PLEKHG4B: variants seen among roughly 807,000 people sequenced by gnomAD.
PLEKHG4B encodes the protein pleckstrin homology domain-containing family G member 4B.
PLEKHG4B carries 111 observed loss-of-function variants against 121.3 expected under a neutral mutation model. The observed-to-expected ratio is 0.92, with a 90% CI of 0.78 to 1.07. The LOEUF (loss-of-function observed/expected upper bound fraction) is 1.07, where lower values mean the gene tolerates loss of function less well. Ranked by LOEUF, PLEKHG4B falls within the 50% of genes least tolerant of loss-of-function variation. The pLI, the probability that PLEKHG4B is intolerant of heterozygous loss-of-function variation, is 0.00. For synonymous variants in PLEKHG4B, 738 were observed against 725.0 expected (o/e 1.02, Z -0.29); for missense variants, 1,831 against 1,757.8 (o/e 1.04, Z -0.74).
At chr5:153,511 G>A (rs1159732988) in intron 7 of PLEKHG4B, among the ~76,000 whole-genome samples, 1 of 152,098 alleles carries the variant, frequency 6.6e-6, no homozygotes, top group Non-Finnish European at 1.5e-5. Flanking sequence ...CACGGTTCAG[G>A]GTCAGCCAGA....
intron 18 of PLEKHG4B, among the ~76,000 whole-genome samples, chr5:180,526 G>A (rs1282188104): frequency 1.3e-5 from 2 of 152,202 alleles, no homozygotes; most frequent in African/African-American, 4.8e-5. Flanking sequence ...CCAGTGGCCT[G>A]TGAACGCCAC....
intron 7 of PLEKHG4B, 151 bp from the exon 8 acceptor site, chr5:154,724 C>A (rs577325343): frequency 3.3e-6 from 2 of 609,326 alleles, no homozygotes; most frequent in Non-Finnish European, 6.0e-6. Flanking sequence ...TGCACCCAGA[C>A]CCGTGCTATT....
intron 2 of PLEKHG4B, among the ~76,000 whole-genome samples, chr5:116,809 A>G (rs1166799286): frequency 2.0e-5 from 3 of 152,180 alleles, no homozygotes; most frequent in African/African-American, 7.2e-5. Flanking sequence ...TGACAGGGCT[A>G]GGGGAGGGGC....
chr5:125,137 C>G (rs1426526724), intron 2 of PLEKHG4B, among the ~76,000 whole-genome samples: 1 of 152,160 alleles, frequency 6.6e-6, no homozygotes, highest in African/African-American at 2.4e-5. Flanking sequence ...AAAAAAAAAT[C>G]AATTTTGCCA....
Position 162,739 on chromosome 5 carries a change from GC to G in PLEKHG4B, c.2671del (p.Leu891TrpfsTer15). The G allele has an allele frequency of 1.4e-6, 2 of 1,456,804 alleles. No individual in the cohort carries two copies. Among genetic ancestry groups the G allele is most frequent in the Non-Finnish European group, 1.8e-6 (2 of 1,103,216 alleles). The allele number at this position is 1,456,804 out of a possible 1,614,324, so 90.2% of individuals were successfully genotyped here. ...LCETVSSWMG[P>X]LDPEACPSSP... ...TCCCACAGGTGAGCAGCTGGATGGG[GC>G]CCCTGGACCCGGAGGCTTGTCCCTC... On this transcript the variant is annotated frameshift_variant, in exon 13 of 20. Transcript: ENST00000637938. LOFTEE classifies it high-confidence loss of function.
chr5:149,535 C>T lies in PLEKHG4B; in HGVS notation c.1906-1978C>T, dbSNP rs147233051. 8.5e-3 allele frequency among the ~76,000 whole-genome samples: 1,259 copies of T among 148,650 alleles called. 22 individuals are homozygous for T. Among genetic ancestry groups the T allele is most frequent in the African/African-American group, 0.031 (1,192 of 38,998 alleles). The stretch of plus-strand genomic sequence containing the variant: ...CAGTATGGATGACAGAGAGAGACCC[C>T]GTCTCAAAAAAAGTAAATAAGAAGA... On this transcript the variant is annotated intron_variant, in intron 6 of 19. Coordinates refer to ENST00000637938, the MANE Select transcript of PLEKHG4B (RefSeq NM_052909.5).
In PLEKHG4B at chr5:163,239, G is replaced by A. The variant is rs1468625602; in HGVS notation, c.3167G>A (p.Ser1056Asn). Residue 1056 changes from serine (S) to asparagine (N), a missense_variant, in exon 13 of 20, where the codon AGC becomes AAC. Coordinates refer to ENST00000637938, the MANE Select transcript of PLEKHG4B (RefSeq NM_052909.5). ...AGATTAHLEDSSACSSEPTQT... is the reference protein window; with the variant it reads ...AGATTAHLEDNSACSSEPTQT... ...GCCACCACGGCCCACCTGGAGGACA[G>A]CTCTGCCTGTTCCTCTGAGCCCACC... 13 of 1,609,378 alleles carry A rather than the reference G, an allele frequency of 8.1e-6. No individual in the cohort carries two copies. The highest frequency in any genetic ancestry group is 1.0e-5 in the Non-Finnish European group (12 of 1,178,264).
intron 2 of PLEKHG4B, among the ~76,000 whole-genome samples, chr5:128,792 A>G (rs1355941821): frequency 6.6e-6 from 1 of 152,322 alleles, no homozygotes; most frequent in Admixed American, 6.5e-5. Flanking sequence ...TGGGATAACC[A>G]TAAAGGGTGT....
In PLEKHG4B at chr5:143,230, T is replaced by C. The variant is rs1168123732; in HGVS notation, c.1661T>C (p.Leu554Pro). The change falls in exon 4 of 20, where the codon CTG becomes CCG. Residue 554 changes from leucine (L) to proline (P), a missense_variant. Coordinates refer to ENST00000637938, the MANE Select transcript of PLEKHG4B (RefSeq NM_052909.5). ...GTGCTGGACGTCAGTCAGGAGCTGC[T>C]GCAGTCCGGGGTCGTCACCCTCCCA... Reference protein sequence around the residue: ...KQVLDVSQELLQSGVVTLPGT... With the variant: ...KQVLDVSQELPQSGVVTLPGT... 5.6e-6 allele frequency: 9 copies of C among 1,610,656 alleles called. No homozygotes were observed. Among genetic ancestry groups the C allele is most frequent in the Non-Finnish European group, 7.6e-6 (9 of 1,180,016 alleles).
intron 2 of PLEKHG4B, among the ~76,000 whole-genome samples, chr5:129,993 A>G (rs1475861403): frequency 6.6e-6 from 1 of 152,174 alleles, no homozygotes. Flanking sequence ...TAGGTCACTC[A>G]GGAAAATGTC....
intron 14 of PLEKHG4B, among the ~76,000 whole-genome samples, chr5:170,310 T>C (rs1709862369): frequency 6.6e-6 from 1 of 152,092 alleles, no homozygotes; most frequent in East Asian, 1.9e-4. Flanking sequence ...GTTTCCTTTT[T>C]TTTTTTCTTT....
intron 6 of PLEKHG4B, among the ~76,000 whole-genome samples, chr5:151,145 C>T (rs1356282117): frequency 6.6e-6 from 1 of 152,100 alleles, no homozygotes; most frequent in Non-Finnish European, 1.5e-5. Context: ...TCAGTGGTTG[C>T]CAGGGGCTGG....
intron 2 of PLEKHG4B, among the ~76,000 whole-genome samples, chr5:135,317 A>G: frequency 6.6e-6 from 1 of 152,172 alleles, no homozygotes; most frequent in Non-Finnish European, 1.5e-5. Flanking sequence ...GAAAGAAATT[A>G]AAGAAGATGT....
In PLEKHG4B at chr5:189,784, C is replaced by G. The variant is rs1258435563; in HGVS notation, c.*7461C>G. On this transcript the variant is annotated 3_prime_UTR_variant, in exon 20 of 20. Transcript: ENST00000637938. ...TCCACCCTCCGAGACCCAGGGGCCC[C>G]GCAGTGACAGCAGGGTGTTGGGCCA... The G allele has an allele frequency of 1.3e-5, 2 of 152,064 alleles. No individual in the cohort carries two copies. Among genetic ancestry groups the G allele is most frequent in the South Asian group, 4.2e-4 (2 of 4,818 alleles). 9.4% of individuals were successfully genotyped at this position (152,064 alleles called of 1,614,324 possible).
chr5:172,944 C>G lies in PLEKHG4B; in HGVS notation c.4098C>G (p.Ile1366Met), dbSNP rs367924370. ...QGQLRCRDEF[I>M]VCCGRKKYLR... The stretch of plus-strand genomic sequence containing the variant: ...AGCTGAGATGCCGGGATGAGTTTAT[C>G]GTTTGCTGCGGGAGGAAGAAGTATC... Residue 1366 changes from isoleucine to methionine, a missense_variant, in exon 17 of 20, where the codon ATC becomes ATG. By Grantham distance (10) the Ile-to-Met change is conservative (BLOSUM62 1). Coordinates refer to ENST00000637938, the MANE Select transcript of PLEKHG4B (RefSeq NM_052909.5). The G allele has an allele frequency of 9.9e-6, 16 of 1,614,048 alleles. No homozygotes were observed. In the African/African-American group the frequency reaches 2.1e-4, roughly 22 times the overall value.
chr5:165,257 G>A (rs1306607601), intron 13 of PLEKHG4B, among the ~76,000 whole-genome samples: 2 of 31,046 alleles, frequency 6.4e-5, no homozygotes, highest in Admixed American at 2.6e-4. Context: ...CTGACGGGGC[G>A]GGGCTCACTA....
At chr5:95,202 A>G (rs964412305) in intron 1 of PLEKHG4B, among the ~76,000 whole-genome samples, 1 of 152,188 alleles carries the variant, frequency 6.6e-6, no homozygotes, top group Non-Finnish European at 1.5e-5. Flanking sequence ...TTACATGTTA[A>G]AACTGCTTAC....
At chr5:167,003 G>A (rs1401091666) in intron 13 of PLEKHG4B, among the ~76,000 whole-genome samples, 2 of 152,164 alleles carry the variant, frequency 1.3e-5, no homozygotes, top group Admixed American at 1.3e-4. Context: ...TGTCTCCACT[G>A]AGCCCATGTT....
intron 2 of PLEKHG4B, among the ~76,000 whole-genome samples, chr5:132,861 G>A (rs1428450853): frequency 6.6e-6 from 1 of 152,158 alleles, no homozygotes; most frequent in African/African-American, 2.4e-5. Context: ...GCTTAGTCTT[G>A]CTTTGGCTGT....
Sources: gnomAD v4.1 joint callset for allele counts (sites outside exome capture counted in the v4.1 genomes callset) on GRCh38, gnomAD v4.1.1 for gene constraint, MANE v1.5 for transcripts, NCBI Gene and HGNC (gene_info 2026-07-23, HGNC 2026-07-21) for gene names.